AGBL1: variants seen among roughly 807,000 people sequenced by gnomAD.
AGBL1 encodes the protein AGBL carboxypeptidase 1.
Under a neutral mutation model 118.9 loss-of-function variants are expected in AGBL1, and 130 were observed. That is an observed-to-expected ratio of 1.09 (90% CI 0.95 to 1.26). AGBL1 has a LOEUF of 1.26. Among genes scored for constraint, AGBL1 ranks in the 50% most tolerant of loss-of-function variants. The pLI, the probability that AGBL1 is intolerant of heterozygous loss-of-function variation, is 0.00. For synonymous variants in AGBL1, 555 were observed against 478.9 expected, an observed-to-expected ratio of 1.16 and a Z score of -2.08; for missense variants, 1,584 against 1,298.1, an observed-to-expected ratio of 1.22 and a Z score of -3.38.
In AGBL1 at chr15:86,723,422, A is replaced by G. The variant is rs2086765556; in HGVS notation, c.3158+48986A>G. On this transcript the variant is annotated intron_variant, in intron 22 of 22. Coordinates refer to ENST00000614907, the MANE Select transcript of AGBL1 (RefSeq NM_001386094.1). ...TCGCAAGGACAAAAAACCAAACACC[A>G]CATGTTCTCACTCCTAGGTGGGAAT... 2.6e-5 allele frequency among the ~76,000 whole-genome samples: 4 copies of G among 152,200 alleles called. No individual in the cohort carries two copies. The East Asian group carries it at 5.8e-4, about 22-fold the overall frequency.
chr15:86,740,077 A>T (rs568591957), intron 22 of AGBL1, among the ~76,000 whole-genome samples: 8 of 152,276 alleles, frequency 5.3e-5, no homozygotes, highest in Admixed American at 4.6e-4. Flanking sequence ...ATTTTTTTTT[A>T]AAGCATAAAA....
intron 18 of AGBL1, among the ~76,000 whole-genome samples, chr15:86,487,589 G>A (rs898535238): frequency 6.6e-6 from 1 of 150,894 alleles, no homozygotes; most frequent in African/African-American, 2.4e-5. Context: ...TTAAAGGAAA[G>A]TAGCTTCAAT....
At chr15:86,905,337 TACTC>T (rs758167319) in intron 22 of AGBL1, among the ~76,000 whole-genome samples, 11 of 152,214 alleles carry the variant, frequency 7.2e-5, no homozygotes, top group Admixed American at 2.0e-4. Context: ...TGTTCATCAA[TACTC>T]ACATTGCACT....
chr15:86,519,144 C>A (rs949619677), intron 18 of AGBL1, among the ~76,000 whole-genome samples: 2 of 152,074 alleles, frequency 1.3e-5, no homozygotes, highest in Admixed American at 1.3e-4. Flanking sequence ...CCACACCCAC[C>A]TCCATGGATA....
At chr15:86,710,134 G>A (rs542880397) in intron 22 of AGBL1, among the ~76,000 whole-genome samples, 50 of 152,044 alleles carry the variant, frequency 3.3e-4, no homozygotes, top group African/African-American at 5.1e-4. Flanking sequence ...ACTTTTTGTC[G>A]CACTCATCAT....
chr15:86,667,007 C>G (rs2085656090), intron 21 of AGBL1, among the ~76,000 whole-genome samples: 1 of 152,148 alleles, frequency 6.6e-6, no homozygotes, highest in African/African-American at 2.4e-5. Context: ...GACATAGATG[C>G]ATCCATCTAG....
rs77615995 is a variant in AGBL1, at chr15:86,662,398, G to A, written c.2995-11875G>A. Among the ~76,000 whole-genome samples, 389 of 152,304 alleles carry A rather than the reference G, an allele frequency of 2.6e-3. 1 individual carries two copies. Among genetic ancestry groups the A allele is most frequent in the African/African-American group, 8.9e-3 (371 of 41,560 alleles). ...AATATTTTCCCATTTTTAAGAAGAGGACATTGAACTTGAAGAGCTTATGTA... is the reference window on the plus strand; with the variant it reads ...AATATTTTCCCATTTTTAAGAAGAGAACATTGAACTTGAAGAGCTTATGTA... On this transcript the variant is annotated intron_variant, in intron 21 of 22. Coordinates refer to ENST00000614907, the MANE Select transcript of AGBL1 (RefSeq NM_001386094.1).
chr15:86,422,280 G>A (rs534234668), intron 18 of AGBL1, among the ~76,000 whole-genome samples: 21 of 152,092 alleles, frequency 1.4e-4, no homozygotes, highest in East Asian at 5.8e-4. Context: ...ATTAGATCTC[G>A]GGATTAAGAA....
At chr15:86,957,824 T>C (rs994076430) in intron 23 of AGBL1, among the ~76,000 whole-genome samples, 1 of 152,154 alleles carries the variant, frequency 6.6e-6, no homozygotes. Context: ...TGAAAGATTT[T>C]GTTTTCTTGG....
intron 5 of AGBL1, among the ~76,000 whole-genome samples, chr15:86,186,263 T>G (rs896017681): frequency 2.0e-5 from 3 of 152,196 alleles, no homozygotes; most frequent in Non-Finnish European, 4.4e-5. Flanking sequence ...GATAAATAGC[T>G]AATGTATGCT....
chr15:86,234,027 T>C (rs1177163588), intron 6 of AGBL1, among the ~76,000 whole-genome samples: 1 of 152,180 alleles, frequency 6.6e-6, no homozygotes, highest in East Asian at 1.9e-4. Flanking sequence ...TGTTGGGTTG[T>C]GATTGCCACT....
intron 23 of AGBL1, chr15:86,935,020 A>G (rs1233176813): frequency 1.3e-5 from 2 of 152,244 alleles, no homozygotes; most frequent in Non-Finnish European, 2.9e-5. Flanking sequence ...TGTAAAAACT[A>G]TAAAATAAAT....
rs930323942 is a variant in AGBL1, at chr15:86,469,261, G to A, written c.2556-53549G>A. Among the ~76,000 whole-genome samples the A allele has an allele frequency of 4.6e-5, 7 of 152,062 alleles. 1 individual carries two copies. The East Asian group carries it at 5.8e-4, about 13-fold the overall frequency. On this transcript the variant is annotated intron_variant, in intron 18 of 22. Transcript: ENST00000614907. ...TCCTTTTCCAATTCCCTCAGCCTCT[G>A]GTAATCAACCTTTGACTGACTGCTT...
chr15:87,007,732 A>G (rs1370255810), intron 24 of AGBL1, among the ~76,000 whole-genome samples: 1 of 152,218 alleles, frequency 6.6e-6, no homozygotes, highest in Non-Finnish European at 1.5e-5. Context: ...TGAATCCATC[A>G]CAGGAGCAAA....
intron 9 of AGBL1, among the ~76,000 whole-genome samples, chr15:86,261,176 A>C (rs979204782): frequency 8.5e-5 from 13 of 152,206 alleles, no homozygotes; most frequent in African/African-American, 3.1e-4. Context: ...GTTGCAGCTC[A>C]TGGGTTGAAT....
chr15:86,333,422 G>C (rs187332149), intron 17 of AGBL1, among the ~76,000 whole-genome samples: 1 of 152,252 alleles, frequency 6.6e-6, no homozygotes, highest in African/African-American at 2.4e-5. Context: ...CCACAAAGTA[G>C]AAAATCTAGA....
At chr15:86,180,722 G>A (rs550527935) in intron 5 of AGBL1, among the ~76,000 whole-genome samples, 1 of 152,002 alleles carries the variant, frequency 6.6e-6, no homozygotes, top group Non-Finnish European at 1.5e-5. Flanking sequence ...ATTATTAAAA[G>A]AATGAAGACA....
At chr15:86,933,814 A>T (rs1382471151) in intron 23 of AGBL1, among the ~76,000 whole-genome samples, 1 of 152,238 alleles carries the variant, frequency 6.6e-6, no homozygotes, top group Admixed American at 6.5e-5. Context: ...TATGCAATGC[A>T]TATAACATAG....
intron 18 of AGBL1, among the ~76,000 whole-genome samples, chr15:86,429,561 T>C (rs112255435): frequency 0.02 from 3,108 of 152,300 alleles, 41 homozygotes; most frequent in Middle Eastern, 0.065. Flanking sequence ...GTTGCACAAA[T>C]GCCTCCTGGG....
Sources: gnomAD v4.1 joint callset for allele counts (sites outside exome capture counted in the v4.1 genomes callset) on GRCh38, gnomAD v4.1.1 for gene constraint, MANE v1.5 for transcripts, NCBI Gene and HGNC (gene_info 2026-07-23, HGNC 2026-07-21) for gene names.